GABBR2: variants seen among roughly 807,000 people sequenced by gnomAD.
GABBR2 encodes the protein G-protein coupled receptor 51.
Under a neutral mutation model 105.6 loss-of-function variants are expected in GABBR2, and 23 were observed. The observed-to-expected ratio is 0.22, with a 90% CI of 0.16 to 0.31. The LOEUF (loss-of-function observed/expected upper bound fraction) is 0.31, where lower values mean the gene tolerates loss of function less well. Among genes scored for constraint, GABBR2 ranks in the 10% least tolerant of loss-of-function variants. GABBR2 has a pLI of 1.00. For missense variants in GABBR2, 734 were observed against 1,245.5 expected (o/e 0.59, Z 6.18); for synonymous variants, 478 against 499.7 (o/e 0.96, Z 0.58).
chr9:98,654,140 G>A (rs942625758), intron 1 of GABBR2, among the ~76,000 whole-genome samples: 1 of 152,218 alleles, frequency 6.6e-6, no homozygotes, highest in Non-Finnish European at 1.5e-5. Flanking sequence ...TACACACGAT[G>A]AGGAAAGCAG....
At chr9:98,433,239 T>A (rs1465771938) in intron 7 of GABBR2, among the ~76,000 whole-genome samples, 2 of 152,206 alleles carry the variant, frequency 1.3e-5, no homozygotes, top group African/African-American at 4.8e-5. Context: ...AGTGATTATG[T>A]GGATTAAACT....
intron 13 of GABBR2, among the ~76,000 whole-genome samples, chr9:98,313,084 C>A (rs1305397404): frequency 6.6e-6 from 1 of 152,138 alleles, no homozygotes; most frequent in Admixed American, 6.6e-5. Context: ...GTCTTATAAT[C>A]CTTTGCTATC....
chr9:98,398,700 A>C (rs948282941), intron 8 of GABBR2, among the ~76,000 whole-genome samples: 3 of 152,102 alleles, frequency 2.0e-5, no homozygotes, highest in Non-Finnish European at 2.9e-5. Flanking sequence ...TTTCTCAGGA[A>C]GTGATTTTTC....
chr9:98,553,827 C>T (rs989813256), intron 2 of GABBR2, among the ~76,000 whole-genome samples: 4 of 152,186 alleles, frequency 2.6e-5, no homozygotes, highest in African/African-American at 9.7e-5. Flanking sequence ...GATCACTCCG[C>T]AAGCAACTGG....
intron 1 of GABBR2, among the ~76,000 whole-genome samples, chr9:98,692,785 C>T (rs1830699922): frequency 6.6e-6 from 1 of 152,166 alleles, no homozygotes; most frequent in Non-Finnish European, 1.5e-5. Flanking sequence ...TAAAATAATA[C>T]CAACAACTAA....
At chr9:98,301,392 C>T (rs949083916) in intron 16 of GABBR2, among the ~76,000 whole-genome samples, 4 of 152,200 alleles carry the variant, frequency 2.6e-5, no homozygotes, top group Non-Finnish European at 4.4e-5. Context: ...AAGTCTTCTG[C>T]GTTGACTGTT....
intron 13 of GABBR2, among the ~76,000 whole-genome samples, chr9:98,343,264 C>T (rs1831245236): frequency 6.6e-6 from 1 of 152,172 alleles, no homozygotes; most frequent in Non-Finnish European, 1.5e-5. Flanking sequence ...GCTTGGCATC[C>T]TGTGGGGACC....
rs531059541 is a variant in GABBR2 at position 98,625,727 on chromosome 9, C to A, written c.322-47655G>T. ...TCTTTAAGACAGACCTAAGATGAAT[C>A]AAATCCATATTCTCCTGTCCCCACA... On this transcript the variant is annotated intron_variant, in intron 1 of 18. Transcript: ENST00000259455. Among the ~76,000 whole-genome samples, 4 of 152,284 alleles carry A rather than the reference C, an allele frequency of 2.6e-5. No individual in the cohort carries two copies. In the South Asian group the frequency reaches 8.3e-4, roughly 32 times the overall value.
intron 13 of GABBR2, among the ~76,000 whole-genome samples, chr9:98,345,665 C>T (rs570878854): frequency 6.6e-6 from 1 of 152,286 alleles, no homozygotes; most frequent in Middle Eastern, 3.4e-3. Context: ...ATAAAATTGT[C>T]TCTGTTTGCA....
chr9:98,353,992 C>T (rs184078571), intron 13 of GABBR2, among the ~76,000 whole-genome samples: 3 of 152,190 alleles, frequency 2.0e-5, no homozygotes, highest in African/African-American at 7.2e-5. Flanking sequence ...GCCTTCCCAG[C>T]AATGCAGAAC....
At chr9:98,296,182 C>T (rs1018228470) in intron 17 of GABBR2, among the ~76,000 whole-genome samples, 1 of 152,116 alleles carries the variant, frequency 6.6e-6, no homozygotes, top group African/African-American at 2.4e-5. Context: ...AGGGCCCTTA[C>T]AAAAGGGCTT....
chr9:98,648,110 T>TAGATA (rs1490027326), intron 1 of GABBR2, among the ~76,000 whole-genome samples: 3 of 108,974 alleles, frequency 2.8e-5, no homozygotes, highest in Non-Finnish European at 5.7e-5. Flanking sequence ...TGTGTGTGTG[T>TAGATA]GTGTGTATAG....
intron 13 of GABBR2, among the ~76,000 whole-genome samples, chr9:98,361,853 T>C (rs1831591302): frequency 6.6e-6 from 1 of 152,212 alleles, no homozygotes. Context: ...TGTCTCGAGA[T>C]AAATGAGGCT....
intron 1 of GABBR2, among the ~76,000 whole-genome samples, chr9:98,693,263 A>G (rs762725754): frequency 3.3e-5 from 5 of 152,182 alleles, no homozygotes; most frequent in African/African-American, 4.8e-5. Context: ...CTCCAGGGCC[A>G]CCCACTCAGG....
chr9:98,702,340 T>C (rs973714986), intron 1 of GABBR2, among the ~76,000 whole-genome samples: 2 of 152,012 alleles, frequency 1.3e-5, no homozygotes, highest in Non-Finnish European at 2.9e-5. Flanking sequence ...GTCTCAGTGC[T>C]GCCCGTTCTT....
chr9:98,645,974 T>C (rs1830024303), intron 1 of GABBR2, among the ~76,000 whole-genome samples: 1 of 152,202 alleles, frequency 6.6e-6, no homozygotes, highest in South Asian at 2.1e-4. Flanking sequence ...CACAATTACC[T>C]AGCAAACAGC....
At chr9:98,578,183 T>A in intron 1 of GABBR2, 111 bp from the exon 2 acceptor site, 1 of 1,241,806 alleles carries the variant, frequency 8.1e-7, no homozygotes, top group Non-Finnish European at 1.1e-6. Context: ...GTTTCAGTTC[T>A]CCCATGGTGG....
At chr9:98,317,788 C>T (rs1830744150) in intron 13 of GABBR2, among the ~76,000 whole-genome samples, 2 of 152,292 alleles carry the variant, frequency 1.3e-5, no homozygotes, top group South Asian at 2.1e-4. Flanking sequence ...TTGGAGGGTA[C>T]ATTCCAGTGG....
chr9:98,436,078 G>T (rs1478686971), intron 7 of GABBR2, among the ~76,000 whole-genome samples: 2 of 150,860 alleles, frequency 1.3e-5, no homozygotes, highest in Non-Finnish European at 2.9e-5. Flanking sequence ...TACTATAGGT[G>T]GTTGTAAATG....
Sources: gnomAD v4.1 joint callset for allele counts (sites outside exome capture counted in the v4.1 genomes callset) on GRCh38, gnomAD v4.1.1 for gene constraint, MANE v1.5 for transcripts, NCBI Gene and HGNC (gene_info 2026-07-23, HGNC 2026-07-21) for gene names.